Variants in CNTLN observed in about 807,000 individuals in gnomAD.
CNTLN encodes the protein centlein, also known as centlein, centrosomal protein.
In CNTLN, 212 loss-of-function variants were observed where a neutral mutation model predicts 180.0. That is an observed-to-expected ratio of 1.18 (90% CI 1.05 to 1.32). CNTLN has a LOEUF of 1.32. Among genes scored for constraint, CNTLN ranks in the 40% most tolerant of loss-of-function variants. The pLI is 0.00. For missense variants in CNTLN, 2,095 were observed against 1,610.9 expected (o/e 1.30, Z -5.14); for synonymous variants, 722 against 563.1 (o/e 1.28, Z -3.99).
intron 2 of CNTLN, among the ~76,000 whole-genome samples, chr9:17,150,436 G>A (rs531265474): frequency 2.6e-5 from 4 of 152,304 alleles, no homozygotes; most frequent in African/African-American, 9.6e-5. Context: ...GTGTGTGTCA[G>A]GTTTGTCAAA....
intron 12 of CNTLN, among the ~76,000 whole-genome samples, chr9:17,360,802 C>G (rs1823315501): frequency 1.3e-5 from 2 of 152,116 alleles, no homozygotes; most frequent in South Asian, 2.1e-4. Context: ...TTTTAAAATG[C>G]TTTTAGCTTT....
the CNTLN span, among the ~76,000 whole-genome samples, chr9:17,514,307 C>A: frequency 2.6e-5 from 4 of 152,014 alleles, no homozygotes; most frequent in Non-Finnish European, 4.4e-5. Context: ...AAGATGCTGT[C>A]TCAAACAAAA....
intron 5 of CNTLN, among the ~76,000 whole-genome samples, chr9:17,270,920 C>T (rs922045483): frequency 4.7e-5 from 7 of 148,006 alleles, no homozygotes; most frequent in Non-Finnish European, 8.9e-5. Flanking sequence ...GTATTAATAT[C>T]AAGGGCATTT....
chr9:17,215,685 T>C (rs1823696686), intron 2 of CNTLN, among the ~76,000 whole-genome samples: 2 of 152,156 alleles, frequency 1.3e-5, no homozygotes, highest in South Asian at 4.1e-4. Flanking sequence ...CTCCTTGAAC[T>C]GCGGTGGGCT....
chr9:17,210,710 G>A (rs1823240491), intron 2 of CNTLN, among the ~76,000 whole-genome samples: 2 of 151,834 alleles, frequency 1.3e-5, no homozygotes, highest in Non-Finnish European at 2.9e-5. Flanking sequence ...TCCGCATCCA[G>A]CACCTGTTGT....
chr9:17,289,884 AT>A (rs1829248867), intron 6 of CNTLN, among the ~76,000 whole-genome samples: 1 of 131,140 alleles, frequency 7.6e-6, no homozygotes, highest in Non-Finnish European at 1.6e-5. Flanking sequence ...ACTTCTCTGT[AT>A]TGGTTATTCT....
chr9:17,495,533 A>T (rs773497543), intron 25 of CNTLN, among the ~76,000 whole-genome samples: 1 of 152,328 alleles, frequency 6.6e-6, no homozygotes, highest in Non-Finnish European at 1.5e-5. Context: ...ACAGCTGTAC[A>T]GTATGTTTAT....
chr9:17,250,886 A>G (rs1383356621), intron 5 of CNTLN, among the ~76,000 whole-genome samples: 6 of 152,014 alleles, frequency 3.9e-5, no homozygotes, highest in Admixed American at 2.6e-4. Flanking sequence ...ACTGCTTTAC[A>G]TCCTTTCATT....
chr9:17,189,374 G>A (rs953795268), intron 2 of CNTLN, among the ~76,000 whole-genome samples: 1 of 151,772 alleles, frequency 6.6e-6, no homozygotes. Context: ...GAACCACCGT[G>A]CCCGGCCAGG....
chr9:17,183,584 CTAA>C (rs1195448794), intron 2 of CNTLN, among the ~76,000 whole-genome samples: 1 of 151,734 alleles, frequency 6.6e-6, no homozygotes, highest in Non-Finnish European at 1.5e-5. Flanking sequence ...ACGTGAAACA[CTAA>C]TAATAATCTT....
chr9:17,279,023 C>T (rs1165969327), intron 6 of CNTLN, among the ~76,000 whole-genome samples: 1 of 150,644 alleles, frequency 6.6e-6, no homozygotes, highest in African/African-American at 2.4e-5. Flanking sequence ...TATTTTTTCT[C>T]TATAAGGAAC....
intron 2 of CNTLN, among the ~76,000 whole-genome samples, chr9:17,223,104 C>A (rs1824250974): frequency 6.6e-6 from 1 of 152,010 alleles, no homozygotes; most frequent in Non-Finnish European, 1.5e-5. Context: ...GTGTTTATAG[C>A]ATGGATACTT....
At chr9:17,277,574 C>T (rs1828391349) in intron 6 of CNTLN, among the ~76,000 whole-genome samples, 1 of 151,810 alleles carries the variant, frequency 6.6e-6, no homozygotes, top group African/African-American at 2.4e-5. Context: ...AGATATAAGA[C>T]CTAGAAATGA....
chr9:17,266,166 T>G (rs1244038639), intron 5 of CNTLN, among the ~76,000 whole-genome samples: 1 of 152,064 alleles, frequency 6.6e-6, no homozygotes, highest in Non-Finnish European at 1.5e-5. Context: ...CTTTCTCTTT[T>G]GGGCATTTAG....
At chr9:17,263,095 G>A (rs1028695243) in intron 5 of CNTLN, among the ~76,000 whole-genome samples, 3 of 150,744 alleles carry the variant, frequency 2.0e-5, no homozygotes, top group African/African-American at 7.4e-5. Flanking sequence ...ACAACGTGCA[G>A]GTTTGTTACA....
intron 13 of CNTLN, among the ~76,000 whole-genome samples, chr9:17,376,436 T>C (rs1195225828): frequency 6.6e-6 from 1 of 151,886 alleles, no homozygotes; most frequent in African/African-American, 2.4e-5. Flanking sequence ...TTTTTTCTTT[T>C]TCTTTTTTTT....
At chr9:17,477,451 C>A (rs1456451358) in intron 23 of CNTLN, among the ~76,000 whole-genome samples, 1 of 152,082 alleles carries the variant, frequency 6.6e-6, no homozygotes, top group Non-Finnish European at 1.5e-5. Flanking sequence ...AAATGGGAAA[C>A]CTTCTGGAAA....
intron 2 of CNTLN, among the ~76,000 whole-genome samples, chr9:17,208,181 G>A (rs1199994503): frequency 6.6e-6 from 1 of 152,112 alleles, no homozygotes; most frequent in East Asian, 1.9e-4. Flanking sequence ...CTGAAGCAAT[G>A]TTCAATTTTA....
Position 17,395,019 on chromosome 9 carries a change from T to A in CNTLN, c.2565T>A (p.Asn855Lys). The A allele has an allele frequency of 6.2e-7, 1 of 1,613,328 alleles. No homozygotes were observed. The highest frequency in any genetic ancestry group is 8.5e-7 in the Non-Finnish European group (1 of 1,179,446). The change falls in exon 15 of 26, where the codon AAT (asparagine) becomes AAA (lysine). Residue 855 changes from asparagine to lysine, a missense_variant. Coordinates refer to ENST00000380647, the MANE Select transcript of CNTLN (RefSeq NM_017738.4). ...VLNHSIKVMS[N>K]VFENLSKDGW... is the part of the protein sequence containing the mutation. ...ATCATTCCATCAAGGTTATGAGCAA[T>A]GTGTTTGAGAACCTCAGCAAGGACG...
Sources: allele counts gnomAD v4.1 joint callset (sites outside exome capture counted in the v4.1 genomes callset), GRCh38; gene constraint gnomAD v4.1.1; transcripts MANE v1.5; gene names NCBI Gene and HGNC (gene_info 2026-07-23, HGNC 2026-07-21).